EPM2A: variants seen among roughly 807,000 people sequenced by gnomAD.
The protein encoded by EPM2A is EPM2A glucan phosphatase, laforin, also known as laforin.
Under a neutral mutation model 26.5 loss-of-function variants are expected in EPM2A, and 21 were observed. The ratio of observed to expected loss-of-function variants is 0.79; its 90% CI spans 0.56 to 1.14. EPM2A has a LOEUF of 1.14. Among genes scored for constraint, EPM2A ranks in the 50% most tolerant of loss-of-function variants. The pLI is 0.00. For synonymous variants in EPM2A, 217 were observed against 177.6 expected, an observed-to-expected ratio of 1.22 and a Z score of -1.76; for missense variants, 458 against 440.8, an observed-to-expected ratio of 1.04 and a Z score of -0.35.
intron 2 of EPM2A, among the ~76,000 whole-genome samples, chr6:145,553,507 T>C (rs408443): frequency 0.36 from 54,169 of 151,792 alleles, 10,178 homozygotes; most frequent in South Asian, 0.51. Flanking sequence ...CTTCCAATCC[T>C]TTGCCCAGGG....
At position 145,627,679 on chromosome 6, in the gene EPM2A, G is replaced by A. The variant is rs777957775; in HGVS notation, c.733C>T (p.Leu245=). 2 of 1,614,150 alleles carry A rather than the reference G, an allele frequency of 1.2e-6. No homozygotes were observed. Among genetic ancestry groups the A allele is most frequent in the Admixed American group, 1.7e-5 (1 of 60,022 alleles). Residue 245 remains leucine, a synonymous_variant, in exon 4 of 4, where the codon CTG becomes TTG. Coordinates refer to ENST00000367519, the MANE Select transcript of EPM2A (RefSeq NM_005670.4). Reference sequence around the variant, plus strand: ...TGCAGCAGGCACACCGCCTGGGGCAGCATCTGTACTCGGCCTGCGGTGGGG... The same window carrying A: ...TGCAGCAGGCACACCGCCTGGGGCAACATCTGTACTCGGCCTGCGGTGGGG... ...DMSTEGRVQM[L]PQAVCLLHAL...
intron 2 of EPM2A, among the ~76,000 whole-genome samples, chr6:145,605,142 C>G (rs760779897): frequency 1.7e-4 from 26 of 152,050 alleles, no homozygotes; most frequent in Non-Finnish European, 3.1e-4. Flanking sequence ...AAACTTATAC[C>G]TAAAAGTCAG....
At chr6:145,517,802 T>A (rs985949677) in intron 2 of EPM2A, among the ~76,000 whole-genome samples, 6 of 152,106 alleles carry the variant, frequency 3.9e-5, no homozygotes, top group Admixed American at 3.9e-4. Flanking sequence ...GAAATATGGG[T>A]CTTCTGGAAT....
intron 2 of EPM2A, among the ~76,000 whole-genome samples, chr6:145,679,165 T>G (rs1196014176): frequency 2.7e-5 from 4 of 149,640 alleles, no homozygotes; most frequent in African/African-American, 9.8e-5. Context: ...AAACCATGTT[T>G]TCTGTGAACT....
intron 2 of EPM2A, among the ~76,000 whole-genome samples, chr6:145,533,886 T>C (rs1204038135): frequency 1.3e-5 from 2 of 152,176 alleles, no homozygotes; most frequent in South Asian, 2.1e-4. Flanking sequence ...AGATTCAGGA[T>C]AGATTGCATC....
At chr6:145,394,473 C>T in intron 4 of EPM2A, among the ~76,000 whole-genome samples, 1 of 152,118 alleles carries the variant, frequency 6.6e-6, no homozygotes, top group South Asian at 2.1e-4. Flanking sequence ...CAATATAAGA[C>T]AATATCCCCT....
intron 4 of EPM2A, among the ~76,000 whole-genome samples, chr6:145,398,895 A>T (rs9484987): frequency 0.26 from 39,740 of 150,884 alleles, 5,627 homozygotes; most frequent in Non-Finnish European, 0.32. Flanking sequence ...ACTTTCTCCA[A>T]TGTTCCTGAC....
intron 4 of EPM2A, among the ~76,000 whole-genome samples, chr6:145,493,208 G>A (rs1779776862): frequency 6.6e-6 from 1 of 152,192 alleles, no homozygotes; most frequent in Non-Finnish European, 1.5e-5. Context: ...GCAGTGGTTT[G>A]TAGCTCTTCT....
At chr6:145,610,312 A>G (rs1033154102) in intron 2 of EPM2A, among the ~76,000 whole-genome samples, 1 of 152,280 alleles carries the variant, frequency 6.6e-6, no homozygotes, top group East Asian at 1.9e-4. Context: ...CTATTTAACA[A>G]TTTTCCAACT....
intron 2 of EPM2A, among the ~76,000 whole-genome samples, chr6:145,565,767 C>G (rs1477822270): frequency 6.6e-6 from 1 of 152,100 alleles, no homozygotes; most frequent in Non-Finnish European, 1.5e-5. Flanking sequence ...GATGACTATC[C>G]AACTTCCTTA....
chr6:145,609,822 T>C (rs1038249980), intron 2 of EPM2A, among the ~76,000 whole-genome samples: 2 of 152,226 alleles, frequency 1.3e-5, no homozygotes, highest in Non-Finnish European at 2.9e-5. Context: ...AACAGCAAAT[T>C]GGGAATTGAC....
At chr6:145,669,023 G>A (rs1779449790) in intron 2 of EPM2A, among the ~76,000 whole-genome samples, 1 of 152,094 alleles carries the variant, frequency 6.6e-6, no homozygotes, top group African/African-American at 2.4e-5. Flanking sequence ...GTAGGTCTGT[G>A]TGTTGATACA....
chr6:145,570,626 T>C (rs1780942079), intron 2 of EPM2A, among the ~76,000 whole-genome samples: 2 of 152,378 alleles, frequency 1.3e-5, no homozygotes, highest in African/African-American at 2.4e-5. Flanking sequence ...CTTCTTCTAC[T>C]ACCCATTCTG....
At chr6:145,538,304 A>G (rs1165056414) in intron 2 of EPM2A, among the ~76,000 whole-genome samples, 1 of 152,134 alleles carries the variant, frequency 6.6e-6, no homozygotes, top group Admixed American at 6.5e-5. Context: ...TGGGAACTTA[A>G]TACATGTTTA....
intron 1 of EPM2A, among the ~76,000 whole-genome samples, chr6:145,719,727 A>C (rs1775850923): frequency 6.6e-6 from 1 of 152,200 alleles, no homozygotes; most frequent in African/African-American, 2.4e-5. Context: ...AATATCTCTT[A>C]ACCTCAAGGG....
At chr6:145,513,007 A>G (rs1390816430) in intron 2 of EPM2A, among the ~76,000 whole-genome samples, 1 of 152,160 alleles carries the variant, frequency 6.6e-6, no homozygotes, top group Non-Finnish European at 1.5e-5. Flanking sequence ...CCAAGCAAAG[A>G]ATTTATGATG....
Position 145,626,165 on chromosome 6 carries a change from G to A in EPM2A, c.*1251C>T, listed in dbSNP as rs1226479085. On this transcript the variant is annotated 3_prime_UTR_variant, in exon 4 of 4. Coordinates refer to ENST00000367519, the MANE Select transcript of EPM2A (RefSeq NM_005670.4). ...TCTTCTATTCTAGCATATCATTCAT[G>A]GTCCAATCCTGCATTACAGTTGGTT... is the stretch of plus-strand genomic sequence containing the variant. The A allele has an allele frequency of 9.9e-7, 1 of 1,008,148 alleles. No individual in the cohort carries two copies. 62.5% of individuals were successfully genotyped at this position (1,008,148 alleles called of 1,614,324 possible). A position where few individuals can be genotyped will look rare whatever the true frequency, so the allele number is the denominator to read the frequency against.
Position 145,535,853 on chromosome 6 carries a change from T to C in EPM2A, c.341-33278A>G, listed in dbSNP as rs1398719847. On this transcript the variant is annotated intron_variant, in intron 2 of 3. Transcript: ENST00000450221. ...TTCACTTTCACTTTGTGAATTTACC[T>C]TTTCCAAATTGACTTTCACAGGAGT... 3.9e-5 allele frequency among the ~76,000 whole-genome samples: 6 copies of C among 152,252 alleles called. No homozygotes were observed. The East Asian group carries it at 1.2e-3, about 29-fold the overall frequency.
At chr6:145,506,347 T>C (rs530582767) in intron 2 of EPM2A, among the ~76,000 whole-genome samples, 37 of 152,276 alleles carry the variant, frequency 2.4e-4, no homozygotes, top group African/African-American at 7.9e-4. Context: ...ATCCAGGAAT[T>C]CCACTCCTGG....
Sources: allele counts gnomAD v4.1 joint callset (sites outside exome capture counted in the v4.1 genomes callset), GRCh38; gene constraint gnomAD v4.1.1; transcripts MANE v1.5; gene names NCBI Gene and HGNC (gene_info 2026-07-23, HGNC 2026-07-21).